The following TIMP3 variants were observed in gnomAD, a reference collection of about 807,000 sequenced individuals.
The protein encoded by TIMP3 is metalloproteinase inhibitor 3.
In TIMP3, 11 loss-of-function variants were observed where a neutral mutation model predicts 30.0. The ratio of observed to expected loss-of-function variants is 0.37; its 90% CI spans 0.23 to 0.61. TIMP3 has a LOEUF of 0.61. Ranked by LOEUF, TIMP3 falls within the 20% of genes least tolerant of loss-of-function variation. TIMP3 has a pLI of 0.70. For synonymous variants in TIMP3, 112 were observed against 111.3 expected, an observed-to-expected ratio of 1.01 and a Z score of -0.04; for missense variants, 181 against 276.8, an observed-to-expected ratio of 0.65 and a Z score of 2.45.
Position 32,801,733 on chromosome 22 carries a change from C to G in TIMP3, c.-269C>G. 1 of 217,970 alleles carries G rather than the reference C, an allele frequency of 4.6e-6. No homozygotes were observed. Among genetic ancestry groups the G allele is most frequent in the East Asian group, 1.1e-4 (1 of 8,706 alleles). The allele number at this position is 217,970 out of a possible 1,614,324, so 13.5% of individuals were successfully genotyped here. On this transcript the variant is annotated 5_prime_UTR_variant, in exon 1 of 5. Transcript: ENST00000266085. This position sits in a 1 kb window ranked among gnomAD's most constrained non-coding sequence, Gnocchi z 4.7. ...GCGGGCAGCAGGCAGGCGGCGGGCG[C>G]TCAGACGGCTTCTCCTCCTCCTCTT...
At chr22:32,823,533 C>T (rs1172296711) in intron 1 of TIMP3, among the ~76,000 whole-genome samples, 1 of 152,132 alleles carries the variant, frequency 6.6e-6, no homozygotes, top group Non-Finnish European at 1.5e-5. Context: ...GCCGACCAGG[C>T]CTGGAGGGTG....
intron 1 of TIMP3, among the ~76,000 whole-genome samples, chr22:32,841,861 A>T (rs548584080): frequency 2.0e-5 from 3 of 151,774 alleles, no homozygotes; most frequent in African/African-American, 4.8e-5. Context: ...CAATTTGTTT[A>T]AAAAAAAAGT....
At chr22:32,858,200 A>G in intron 4 of TIMP3, 62 bp downstream of exon 4, 1 of 1,602,008 alleles carries the variant, frequency 6.2e-7, no homozygotes, top group Non-Finnish European at 8.5e-7. Context: ...TAGAAACATC[A>G]GCTCCCAATG....
chr22:32,834,299 C>T lies in TIMP3; in HGVS notation c.122-15153C>T, dbSNP rs1002428441. On this transcript the variant is annotated intron_variant, in intron 1 of 4. Transcript: ENST00000266085. Reference sequence around the variant, plus strand: ...TCCCAAGTAGTTGGGATTACAGGTGCCCTCCACCACATCTGGCTAATTTAT... The same window carrying T: ...TCCCAAGTAGTTGGGATTACAGGTGTCCTCCACCACATCTGGCTAATTTAT... Among the ~76,000 whole-genome samples the T allele has an allele frequency of 2.6e-5, 4 of 151,060 alleles. No homozygotes were observed. The Admixed American group carries it at 2.7e-4, about 10-fold the overall frequency.
chr22:32,811,900 AAG>A (rs2046927005), intron 1 of TIMP3, among the ~76,000 whole-genome samples: 1 of 152,178 alleles, frequency 6.6e-6, no homozygotes, highest in African/African-American at 2.4e-5. Flanking sequence ...AGGGTAGCCA[AAG>A]AGAGGGCCCT....
In TIMP3 at chr22:32,859,616, TG is replaced by T; in HGVS notation, c.*240del. On this transcript the variant is annotated 3_prime_UTR_variant, in exon 5 of 5. Transcript: ENST00000266085. Reference sequence around the variant, plus strand: ...TTCATTTCCACCTGGGAATTTCTGGTGCCATGCCAGAAAGAATGAGGAACCT... The same window carrying T: ...TTCATTTCCACCTGGGAATTTCTGGTCCATGCCAGAAAGAATGAGGAACCT... 1 of 553,590 alleles carries T rather than the reference TG, an allele frequency of 1.8e-6. No individual in the cohort carries two copies. Among genetic ancestry groups the T allele is most frequent in the Non-Finnish European group, 3.2e-6 (1 of 316,198 alleles). The allele number at this position is 553,590 out of a possible 1,614,324, so 34.3% of individuals were successfully genotyped here.
chr22:32,804,793 C>G (rs1418414835), intron 1 of TIMP3, among the ~76,000 whole-genome samples: 1 of 152,176 alleles, frequency 6.6e-6, no homozygotes, highest in Non-Finnish European at 1.5e-5. Context: ...GCTTATAAGA[C>G]ACACTGTGGG....
intron 1 of TIMP3, among the ~76,000 whole-genome samples, chr22:32,812,604 A>G (rs2046944574): frequency 6.6e-6 from 1 of 152,212 alleles, no homozygotes; most frequent in Admixed American, 6.5e-5. Flanking sequence ...GGCTTTCCTT[A>G]TCCACAGCCT....
intron 2 of TIMP3, among the ~76,000 whole-genome samples, chr22:32,853,975 G>A (rs1433939955): frequency 2.0e-5 from 3 of 152,150 alleles, no homozygotes; most frequent in Non-Finnish European, 2.9e-5. Context: ...GATCTCCATG[G>A]CATTGGTTTG....
At chr22:32,828,907 C>T (rs2047490764) in intron 1 of TIMP3, among the ~76,000 whole-genome samples, 1 of 152,106 alleles carries the variant, frequency 6.6e-6, no homozygotes, top group Non-Finnish European at 1.5e-5. Context: ...CTTCCTCTCT[C>T]ATTAGGGGGC....
rs180684737 is a variant in TIMP3, at chr22:32,804,795, C to A, written c.121+2673C>A. 1.7e-3 allele frequency among the ~76,000 whole-genome samples: 262 copies of A among 152,278 alleles called. 1 individual carries two copies. Among genetic ancestry groups the A allele is most frequent in the African/African-American group, 5.8e-3 (243 of 41,554 alleles). ...AAACTACATGCCGGCTTATAAGACA[C>A]ACTGTGGGGGAAAGAAAGGGACTTG... On this transcript the variant is annotated intron_variant, in intron 1 of 4. Transcript: ENST00000266085.
At chr22:32,814,248 GGAAA>G (rs1169002682) in intron 1 of TIMP3, among the ~76,000 whole-genome samples, 25 of 123,470 alleles carry the variant, frequency 2.0e-4, no homozygotes, top group Non-Finnish European at 3.3e-4. Flanking sequence ...AAAGAAAGAA[GGAAA>G]GAAAGAAAGA....
intron 1 of TIMP3, among the ~76,000 whole-genome samples, chr22:32,846,045 G>A (rs899909552): frequency 2.0e-5 from 3 of 152,134 alleles, no homozygotes; most frequent in African/African-American, 7.3e-5. Flanking sequence ...TATTTGGAGG[G>A]CAGAATGTAA....
At chr22:32,845,332 G>A (rs2048029878) in intron 1 of TIMP3, among the ~76,000 whole-genome samples, 1 of 152,082 alleles carries the variant, frequency 6.6e-6, no homozygotes, top group Non-Finnish European at 1.5e-5. Context: ...AAGTAGCTGG[G>A]ACTACAGGCG....
At chr22:32,810,556 A>G (rs1312916484) in intron 1 of TIMP3, among the ~76,000 whole-genome samples, 1 of 151,978 alleles carries the variant, frequency 6.6e-6, no homozygotes, top group Admixed American at 6.5e-5. Flanking sequence ...GGAGAGGGGA[A>G]GTCCTGAGCT....
chr22:32,853,320 C>T (rs60644079), intron 2 of TIMP3, among the ~76,000 whole-genome samples: 4,295 of 152,200 alleles, frequency 0.028, 210 homozygotes, highest in African/African-American at 0.098. Context: ...ATAGCTCGGT[C>T]GGTCTGTAAA....
chr22:32,859,673 C>A lies in TIMP3; in HGVS notation c.*296C>A. On this transcript the variant is annotated 3_prime_UTR_variant, in exon 5 of 5. Coordinates refer to ENST00000266085, the MANE Select transcript of TIMP3 (RefSeq NM_000362.5). ...CCTCTTCTTCGTGATAATATAATCT[C>A]TATTTTTTTAGGAAAACAAAAATGA... The A allele has an allele frequency of 4.5e-5, 17 of 374,766 alleles. No individual in the cohort carries two copies. Among genetic ancestry groups the A allele is most frequent in the East Asian group, 1.6e-4 (3 of 18,666 alleles). The allele number at this position is 374,766 out of a possible 1,614,324, so 23.2% of individuals were successfully genotyped here.
intron 2 of TIMP3, among the ~76,000 whole-genome samples, chr22:32,854,988 G>A (rs575882867): frequency 6.6e-6 from 1 of 152,238 alleles, no homozygotes; most frequent in African/African-American, 2.4e-5. Context: ...AGGCCAAATG[G>A]GAGGCATTTA....
chr22:32,824,799 G>C (rs2047353671), intron 1 of TIMP3, among the ~76,000 whole-genome samples: 1 of 152,146 alleles, frequency 6.6e-6, no homozygotes, highest in Non-Finnish European at 1.5e-5. Flanking sequence ...ACTGAGTAAA[G>C]ACATGGCAGT....
Sources: allele counts gnomAD v4.1 joint callset (sites outside exome capture counted in the v4.1 genomes callset), GRCh38; gene constraint gnomAD v4.1.1; non-coding constraint Gnocchi (gnomAD v3.1); transcripts MANE v1.5; gene names NCBI Gene and HGNC (gene_info 2026-07-23, HGNC 2026-07-21).